TNFRSF4: variants seen among roughly 807,000 people sequenced by gnomAD.
TNFRSF4 encodes tumor necrosis factor receptor superfamily member 4.
In TNFRSF4, 21 loss-of-function variants were observed where a neutral mutation model predicts 29.5. The ratio of observed to expected loss-of-function variants is 0.71; its 90% CI spans 0.51 to 1.03. The LOEUF (loss-of-function observed/expected upper bound fraction) is 1.03, where lower values mean the gene tolerates loss of function less well. Ranked by LOEUF, TNFRSF4 falls within the 50% of genes least tolerant of loss-of-function variation. TNFRSF4 has a pLI of 0.00. For synonymous variants in TNFRSF4, 197 were observed against 172.7 expected, an observed-to-expected ratio of 1.14 and a Z score of -1.10; for missense variants, 408 against 387.8, an observed-to-expected ratio of 1.05 and a Z score of -0.44.
intron 2 of TNFRSF4, 123 bp from the exon 3 acceptor site, chr1:1,213,216 C>A (rs1006870212): frequency 1.3e-6 from 2 of 1,535,152 alleles, no homozygotes; most frequent in East Asian, 4.9e-5. Context: ...CAGGGGTCTG[C>A]GGCCTCCCCT....
At chr1:1,212,932 C>G (rs1649238960) in intron 3 of TNFRSF4, 60 bp downstream of exon 3, 19 of 1,512,726 alleles carry the variant, frequency 1.3e-5, no homozygotes, top group East Asian at 2.4e-5. Context: ...CACGGCCCAT[C>G]TGCGTCACAG....
chr1:1,214,027 TCCCCGACACAGTGGAGC>T lies in TNFRSF4; in HGVS notation c.84_100del (p.Leu29HisfsTer54). ...GCACCGGTCGTTGCTGGGGTAGGTGTCCCCGACACAGTGGAGCCCCGTCACGGTGCTCAGCCCCAGGC... is the reference window on the plus strand; with the variant it reads ...GCACCGGTCGTTGCTGGGGTAGGTGTCCCGTCACGGTGCTCAGCCCCAGGC... On this transcript the variant is annotated frameshift_variant, in exon 1 of 7. Transcript: ENST00000379236. LOFTEE classifies it high-confidence loss of function. The surrounding 1 kb of genome is among the most constrained non-coding windows in gnomAD (Gnocchi z 4.2). The T allele has an allele frequency of 6.2e-7, 1 of 1,604,416 alleles. No homozygotes were observed. Among genetic ancestry groups the T allele is most frequent in the Non-Finnish European group, 8.5e-7 (1 of 1,177,978 alleles).
Position 1,214,001 on chromosome 1 carries a change from A to G in TNFRSF4, c.127T>C (p.Cys43Arg). ...GDTYPSNDRC[C>R]HECRPGNGMV... The stretch of plus-strand genomic sequence containing the variant: ...GCCTCACCTGGCCTGCACTCGTGGC[A>G]GCACCGGTCGTTGCTGGGGTAGGTG... The change falls in exon 1 of 7, where the codon TGC becomes CGC. Residue 43 changes from cysteine to arginine, a missense_variant. Coordinates refer to ENST00000379236, the MANE Select transcript of TNFRSF4 (RefSeq NM_003327.4). The surrounding 1 kb of genome is among the most constrained non-coding windows in gnomAD (Gnocchi z 4.2). 1 of 1,604,640 alleles carries G rather than the reference A, an allele frequency of 6.2e-7. No homozygotes were observed. The highest frequency in any genetic ancestry group is 8.5e-7 in the Non-Finnish European group (1 of 1,177,912).
At chr1:1,213,548 T>C in intron 2 of TNFRSF4, 115 bp downstream of exon 2, 7 of 1,468,744 alleles carry the variant, frequency 4.8e-6, no homozygotes, top group Non-Finnish European at 6.3e-6. Context: ...GACCCCGCTG[T>C]GGTTTGAGGT....
In TNFRSF4 at chr1:1,213,975, G is replaced by A; in HGVS notation, c.145+8C>T. The A allele has an allele frequency of 6.3e-7, 1 of 1,597,366 alleles. No homozygotes were observed. Among genetic ancestry groups the A allele is most frequent in the Non-Finnish European group, 8.5e-7 (1 of 1,174,256 alleles). Reference sequence around the variant, plus strand: ...GCCCGTGCGTGGCGACCCCTCCTGAGGCCTCACCTGGCCTGCACTCGTGGC... The same window carrying A: ...GCCCGTGCGTGGCGACCCCTCCTGAAGCCTCACCTGGCCTGCACTCGTGGC... On this transcript the variant is annotated splice_region_variant and intron_variant, in intron 1 of 6. Coordinates refer to ENST00000379236, the MANE Select transcript of TNFRSF4 (RefSeq NM_003327.4).
At position 1,211,698 on chromosome 1, in the gene TNFRSF4, A is replaced by G. The variant is rs375875899; in HGVS notation, c.763+6T>C. ...GAGCAGTGCGGCAGGGCCATGAGGCACTCACCAGGGGGCTTGTGGGCATCG... is the reference window on the plus strand; with the variant it reads ...GAGCAGTGCGGCAGGGCCATGAGGCGCTCACCAGGGGGCTTGTGGGCATCG... On this transcript the variant is annotated splice_donor_region_variant and intron_variant, in intron 6 of 6. Transcript: ENST00000379236. 6.3e-7 allele frequency: 1 copy of G among 1,590,294 alleles called. No homozygotes were observed. The highest frequency in any genetic ancestry group is 1.3e-5 in the African/African-American group (1 of 74,226).
Position 1,211,543 on chromosome 1 carries a change from G to C in TNFRSF4, c.*12C>G. The C allele has an allele frequency of 6.7e-7, 1 of 1,484,914 alleles. No homozygotes were observed. Among genetic ancestry groups the C allele is most frequent in the South Asian group, 1.4e-5 (1 of 72,166 alleles). The allele number at this position is 1,484,914 out of a possible 1,614,324, so 92.0% of individuals were successfully genotyped here. On this transcript the variant is annotated 3_prime_UTR_variant, in exon 7 of 7. Transcript: ENST00000379236. The stretch of plus-strand genomic sequence containing the variant: ...CCTGGCGGGGCCCAGCGTCCACCTT[G>C]GTGGGCCCAGGTCAGATCTTGGCCA...
At position 1,212,656 on chromosome 1, in the gene TNFRSF4, G is replaced by A. The variant is rs2100952849; in HGVS notation, c.419C>T (p.Ala140Val). ...CCCTCACTTGGTCCAGGGCTTGCAG[G>A]CCTGGTTGTCGCCTGGGGAGAAGTG... ...PGHFSPGDNQACKPWTNCTLA... is the reference protein window; with the variant it reads ...PGHFSPGDNQVCKPWTNCTLA... The change falls in exon 4 of 7, where the codon GCC becomes GTC. Residue 140 changes from alanine to valine, a missense_variant. Ala to Val is a moderately conservative substitution (Grantham distance 64). Transcript: ENST00000379236. 2 of 1,475,360 alleles carry A rather than the reference G, an allele frequency of 1.4e-6. No homozygotes were observed. Among genetic ancestry groups the A allele is most frequent in the South Asian group, 2.5e-5 (2 of 79,720 alleles). The allele number at this position is 1,475,360 out of a possible 1,614,324, so 91.4% of individuals were successfully genotyped here. A position where few individuals can be genotyped will look rare whatever the true frequency, so the allele number is the denominator to read the frequency against.
Position 1,211,720 on chromosome 1 carries a change from A to C in TNFRSF4, c.747T>G (p.Asp249Glu). 1 of 1,586,842 alleles carries C rather than the reference A, an allele frequency of 6.3e-7. No homozygotes were observed. The change falls in exon 6 of 7, where the codon GAT (aspartate) becomes GAG (glutamate). Residue 249 changes from aspartate (D) to glutamate (E), a missense_variant. Physicochemically the swap from Asp to Glu is conservative, Grantham distance 45. Coordinates refer to ENST00000379236, the MANE Select transcript of TNFRSF4 (RefSeq NM_003327.4). Reference protein sequence around the residue: ...LLRRDQRLPPDAHKPPGGGSF... With the variant: ...LLRRDQRLPPEAHKPPGGGSF... ...GGCACTCACCAGGGGGCTTGTGGGC[A>C]TCGGGGGGCAGCCTCTGGTCCCTCC...
intron 1 of TNFRSF4, 26 bp downstream of exon 1, chr1:1,213,957 C>G (rs371914289): frequency 1.3e-6 from 2 of 1,532,418 alleles, no homozygotes; most frequent in Admixed American, 1.8e-5. Flanking sequence ...AGTGCCCGTG[C>G]GTGGCGACCC....
At position 1,214,139 on chromosome 1, in the gene TNFRSF4, C is replaced by A; in HGVS notation, c.-12G>T. 2 of 1,569,786 alleles carry A rather than the reference C, an allele frequency of 1.3e-6. No individual in the cohort carries two copies. The highest frequency in any genetic ancestry group is 2.3e-5 in the East Asian group (1 of 43,470). On this transcript the variant is annotated 5_prime_UTR_variant, in exon 1 of 7. Coordinates refer to ENST00000379236, the MANE Select transcript of TNFRSF4 (RefSeq NM_003327.4). This position sits in a 1 kb window ranked among gnomAD's most constrained non-coding sequence, Gnocchi z 4.2. Reference sequence around the variant, plus strand: ...GCCCCCACGCACATCCTCGTCTCTGCTGTCGCCAGAGTCTGGGTTTTCCTT... The same window carrying A: ...GCCCCCACGCACATCCTCGTCTCTGATGTCGCCAGAGTCTGGGTTTTCCTT...
intron 3 of TNFRSF4, 129 bp downstream of exon 3, chr1:1,212,863 C>G: frequency 7.9e-7 from 1 of 1,263,884 alleles, no homozygotes; most frequent in Non-Finnish European, 1.1e-6. Flanking sequence ...GGCCCTGACC[C>G]GGGAGCTCGG....
In TNFRSF4 at chr1:1,211,606, G is replaced by A; in HGVS notation, c.783C>T (p.Thr261=). The A allele has an allele frequency of 1.3e-6, 2 of 1,533,640 alleles. No individual in the cohort carries two copies. Among genetic ancestry groups the A allele is most frequent in the Non-Finnish European group, 8.8e-7 (1 of 1,142,116 alleles). The change falls in exon 7 of 7, where the codon ACC becomes ACT. Residue 261 remains threonine, a synonymous_variant. Coordinates refer to ENST00000379236, the MANE Select transcript of TNFRSF4 (RefSeq NM_003327.4). ...CGTCGGCCTGCTCCTCTTGGATGGG[G>A]GTCCGGAAACTGCCTCCCCCTGGGG... ...HKPPGGGSFR[T]PIQEEQADAH... is the part of the protein sequence containing the mutation.
intron 4 of TNFRSF4, 133 bp from the exon 5 acceptor site, chr1:1,212,271 G>A: frequency 1.9e-6 from 2 of 1,070,098 alleles, no homozygotes; most frequent in Non-Finnish European, 2.8e-6. Context: ...TGACAGCCAA[G>A]GACGCTGCCC....
Position 1,213,057 on chromosome 1 carries a change from G to A in TNFRSF4, c.305C>T (p.Thr102Ile). The change falls in exon 3 of 7, where the codon ACA becomes ATA. Residue 102 changes from threonine to isoleucine, a missense_variant. Transcript: ENST00000379236. ...CCGGCAGCGGCAGACTGTGTCCTGT[G>A]TGGCCGTGCACAGCTGCTTCCGCTC... ...GSERKQLCTATQDTVCRCRAG... is the reference protein window; with the variant it reads ...GSERKQLCTAIQDTVCRCRAG... The A allele has an allele frequency of 1.9e-6, 3 of 1,611,396 alleles. No homozygotes were observed. The highest frequency in any genetic ancestry group is 2.5e-6 in the Non-Finnish European group (3 of 1,179,536).
chr1:1,212,190 G>A, intron 4 of TNFRSF4, 52 bp from the exon 5 acceptor site: 1 of 1,594,046 alleles, frequency 6.3e-7, no homozygotes, highest in Non-Finnish European at 8.6e-7. Flanking sequence ...TGGGACCCGG[G>A]AGATGCGGTG....
In TNFRSF4 at chr1:1,211,775, A is replaced by G; in HGVS notation, c.692T>C (p.Leu231Pro). 2 of 1,562,116 alleles carry G rather than the reference A, an allele frequency of 1.3e-6. No individual in the cohort carries two copies. The highest frequency in any genetic ancestry group is 1.7e-6 in the Non-Finnish European group (2 of 1,156,182). ...CAGGTACAGGGCCAGCAGGATGGCC[A>G]GGGGGCCCAGCAGCCCCAGCACCAG... is the stretch of plus-strand genomic sequence containing the variant. ...LGLVLGLLGP[L>P]AILLALYLLR... Residue 231 changes from leucine (L) to proline (P), a missense_variant, in exon 6 of 7, where the codon CTG becomes CCG. By Grantham distance (98) the Leu-to-Pro change is moderately conservative. Coordinates refer to ENST00000379236, the MANE Select transcript of TNFRSF4 (RefSeq NM_003327.4).
At chr1:1,211,913 C>T (rs773093340) in intron 5 of TNFRSF4, 29 bp downstream of exon 5, 2 of 1,511,146 alleles carry the variant, frequency 1.3e-6, no homozygotes, top group South Asian at 2.5e-5. Context: ...GGGTTGGGGG[C>T]CCCGCTGGGC....
chr1:1,213,715 G>A lies in TNFRSF4; in HGVS notation c.216C>T (p.Tyr72=), dbSNP rs759113444. The part of the protein sequence containing the change: ...TVCRPCGPGF[Y]NDVVSSKPCK... ...ACGGCTTGGAGCTGACCACGTCGTT[G>A]TAGAAGCCCGGCCCGCACGGACGGC... Residue 72 remains tyrosine (Y), a synonymous_variant, in exon 2 of 7, where the codon TAC becomes TAT. Coordinates refer to ENST00000379236, the MANE Select transcript of TNFRSF4 (RefSeq NM_003327.4). 5.0e-6 allele frequency: 8 copies of A among 1,599,602 alleles called. No individual in the cohort carries two copies. The Admixed American group carries it at 1.2e-4, about 24-fold the overall frequency.
Sources: gnomAD v4.1 joint callset for allele counts on GRCh38, gnomAD v4.1.1 for gene constraint, Gnocchi (gnomAD v3.1) non-coding constraint, MANE v1.5 for transcripts, NCBI Gene and HGNC (gene_info 2026-07-23, HGNC 2026-07-21) for gene names.